Variants in CFAP61 observed in about 807,000 individuals in gnomAD.
CFAP61 encodes the protein cilia and flagella associated protein 61.
Under a neutral mutation model 135.6 loss-of-function variants are expected in CFAP61, and 107 were observed. The ratio of observed to expected loss-of-function variants is 0.79; its 90% CI spans 0.67 to 0.93. The LOEUF (loss-of-function observed/expected upper bound fraction) is 0.93. Ranked by LOEUF, CFAP61 falls within the 40% of genes least tolerant of loss-of-function variation. The probability of loss-of-function intolerance (pLI) is 0.00; values close to 1 mark genes in which losing one functional copy is unlikely to be tolerated. For synonymous variants in CFAP61, 575 were observed against 578.5 expected, an observed-to-expected ratio of 0.99 and a Z score of 0.09; for missense variants, 1,507 against 1,556.2, an observed-to-expected ratio of 0.97 and a Z score of 0.53.
chr20:20,243,954 G>A (rs1301425057), intron 18 of CFAP61, among the ~76,000 whole-genome samples: 4 of 152,156 alleles, frequency 2.6e-5, no homozygotes, highest in Admixed American at 1.3e-4. Context: ...ATGCAAGTCC[G>A]AAATCCAGTG....
At chr20:20,150,114 A>G (rs919317503) in intron 9 of CFAP61, among the ~76,000 whole-genome samples, 1 of 151,890 alleles carries the variant, frequency 6.6e-6, no homozygotes, top group Non-Finnish European at 1.5e-5. Flanking sequence ...GCTTTCCCCC[A>G]CTTCCCTGGT....
At chr20:20,140,713 G>A (rs964018506) in intron 8 of CFAP61, among the ~76,000 whole-genome samples, 18 of 80,498 alleles carry the variant, frequency 2.2e-4, no homozygotes, top group African/African-American at 7.8e-4. Flanking sequence ...CCCATTACTG[G>A]GTATATACCC....
intron 6 of CFAP61, among the ~76,000 whole-genome samples, chr20:20,080,391 A>T (rs1219757041): frequency 6.6e-6 from 1 of 152,184 alleles, no homozygotes. Context: ...TAGCTCTAAT[A>T]CAATTCATTT....
intron 2 of CFAP61, among the ~76,000 whole-genome samples, chr20:20,066,982 A>C (rs1037699141): frequency 6.6e-6 from 1 of 152,284 alleles, no homozygotes; most frequent in East Asian, 1.9e-4. Context: ...ATGTGATACA[A>C]AGGTGTATTT....
intron 6 of CFAP61, among the ~76,000 whole-genome samples, chr20:20,080,331 ATTTC>A (rs1190043862): frequency 2.0e-5 from 3 of 152,086 alleles, no homozygotes; most frequent in Non-Finnish European, 4.4e-5. Flanking sequence ...TTAGAGATCA[ATTTC>A]TTTCTTTTCT....
chr20:20,127,882 G>C (rs1240159304), intron 8 of CFAP61, among the ~76,000 whole-genome samples: 1 of 151,534 alleles, frequency 6.6e-6, no homozygotes, highest in Admixed American at 6.6e-5. Context: ...TGTGGGAGAT[G>C]GGGGTGAGGT....
chr20:20,215,822 A>C (rs1179115619), intron 17 of CFAP61, among the ~76,000 whole-genome samples: 12 of 152,000 alleles, frequency 7.9e-5, no homozygotes. Flanking sequence ...ATATATATAT[A>C]TATCATATTC....
chr20:20,348,312 C>T (rs1446532203), intron 26 of CFAP61, among the ~76,000 whole-genome samples: 1 of 152,154 alleles, frequency 6.6e-6, no homozygotes, highest in Non-Finnish European at 1.5e-5. Context: ...GGACTAAACA[C>T]CCAGCTGAGT....
chr20:20,160,513 G>A (rs1325077352), intron 10 of CFAP61, among the ~76,000 whole-genome samples: 1 of 152,096 alleles, frequency 6.6e-6, no homozygotes, highest in Non-Finnish European at 1.5e-5. Flanking sequence ...ACACAAATGG[G>A]CTTCCCATTT....
chr20:20,212,910 T>G (rs2047757244), intron 17 of CFAP61, among the ~76,000 whole-genome samples: 2 of 152,156 alleles, frequency 1.3e-5, no homozygotes, highest in Admixed American at 1.3e-4. Context: ...CACATAGCAC[T>G]TGTGTTCTAG....
At chr20:20,088,456 G>C (rs1190544265) in intron 6 of CFAP61, among the ~76,000 whole-genome samples, 2 of 152,144 alleles carry the variant, frequency 1.3e-5, no homozygotes, top group Non-Finnish European at 2.9e-5. Context: ...CAGCAAGAAA[G>C]AACAATGAGA....
chr20:20,351,905 A>G (rs986897394), intron 26 of CFAP61, among the ~76,000 whole-genome samples: 3 of 152,082 alleles, frequency 2.0e-5, no homozygotes, highest in African/African-American at 7.2e-5. Flanking sequence ...TAAAAATCAT[A>G]TGGAACCACA....
At chr20:20,081,089 T>C (rs934863527) in intron 6 of CFAP61, among the ~76,000 whole-genome samples, 8 of 152,052 alleles carry the variant, frequency 5.3e-5, no homozygotes, top group African/African-American at 1.7e-4. Flanking sequence ...TCTGTGAGAG[T>C]TTGAGTGCCA....
rs564869568 is a variant in CFAP61 at position 20,142,715 on chromosome 20, C to T, written c.860-142C>T. The T allele has an allele frequency of 3.1e-4, 186 of 594,648 alleles. 1 individual carries two copies. Among genetic ancestry groups the T allele is most frequent in the Non-Finnish European group, 5.2e-4 (170 of 329,394 alleles). The allele number at this position is 594,648 out of a possible 1,614,324, so 36.8% of individuals were successfully genotyped here. A position where few individuals can be genotyped will look rare whatever the true frequency, so the allele number is the denominator to read the frequency against. On this transcript the variant is annotated intron_variant, in intron 8 of 26. Transcript: ENST00000245957. ...GGGGGCTGCGGAGACCTGCTCTTCC[C>T]ACCTCAAGGTACTGCTCTCTAGAAT...
At chr20:20,155,011 G>A (rs773953685) in intron 9 of CFAP61, among the ~76,000 whole-genome samples, 1 of 151,784 alleles carries the variant, frequency 6.6e-6, no homozygotes, top group Non-Finnish European at 1.5e-5. Flanking sequence ...ATCACATTAC[G>A]TGACTTCAAG....
At chr20:20,191,450 G>C (rs781011952) in intron 15 of CFAP61, 31 bp downstream of exon 15, 3 of 1,536,804 alleles carry the variant, frequency 2.0e-6, no homozygotes, top group Non-Finnish European at 2.7e-6. Flanking sequence ...AAATTTCTTT[G>C]ATTGTGCCTT....
At chr20:20,178,678 T>C (rs7362858) in intron 13 of CFAP61, among the ~76,000 whole-genome samples, 110,120 of 151,744 alleles carry the variant, frequency 0.73, 40,959 homozygotes, top group Middle Eastern at 0.89. Flanking sequence ...TAATCGATTC[T>C]CCCCCCCACC....
At chr20:20,238,583 C>T (rs548557917) in intron 18 of CFAP61, among the ~76,000 whole-genome samples, 1 of 152,336 alleles carries the variant, frequency 6.6e-6, no homozygotes, top group Non-Finnish European at 1.5e-5. Context: ...ACAGCACACA[C>T]AAAATCAGCT....
intron 13 of CFAP61, among the ~76,000 whole-genome samples, chr20:20,179,361 C>T (rs1004156237): frequency 2.0e-5 from 3 of 152,124 alleles, no homozygotes; most frequent in East Asian, 3.9e-4. Flanking sequence ...AACTACAAAA[C>T]ACTGCTCAAA....
Sources: gnomAD v4.1 joint callset for allele counts (sites outside exome capture counted in the v4.1 genomes callset) on GRCh38, gnomAD v4.1.1 for gene constraint, MANE v1.5 for transcripts, NCBI Gene and HGNC (gene_info 2026-07-23, HGNC 2026-07-21) for gene names.